The following PFKP variants were observed in gnomAD, a reference collection of about 807,000 sequenced individuals.
PFKP encodes phosphofructokinase, platelet.
Under a neutral mutation model 94.3 loss-of-function variants are expected in PFKP, and 101 were observed. The observed-to-expected ratio is 1.07, with a 90% CI of 0.91 to 1.26. The LOEUF (loss-of-function observed/expected upper bound fraction) is 1.26, where lower values mean the gene tolerates loss of function less well. PFKP is among the 50% of genes most tolerant of loss of function. The probability of loss-of-function intolerance (pLI) is 0.00; values close to 1 mark genes in which losing one functional copy is unlikely to be tolerated. For missense variants in PFKP, 1,145 were observed against 1,103.3 expected, an observed-to-expected ratio of 1.04 and a Z score of -0.53; for synonymous variants, 573 against 432.6, an observed-to-expected ratio of 1.32 and a Z score of -4.03.
intron 5 of PFKP, 64 bp from the exon 6 acceptor site, chr10:3,105,051 G>T: frequency 6.8e-7 from 1 of 1,474,936 alleles, no homozygotes; most frequent in East Asian, 2.3e-5. Context: ...AGGACTGAGT[G>T]GGTGCTCCCT....
rs1343117670 is a variant in PFKP at position 3,107,141 on chromosome 10, T to G, written c.775-73T>G. 5.4e-6 allele frequency: 5 copies of G among 920,990 alleles called. No homozygotes were observed. In the Admixed American group the frequency reaches 7.2e-5, roughly 13 times the overall value. 57.1% of individuals were successfully genotyped at this position (920,990 alleles called of 1,614,324 possible). ...AGGCCAGTTCAGTTTGAGACAGACTTCTGTGGTTTTGTTGCATTTGTTGCT... is the reference window on the plus strand; with the variant it reads ...AGGCCAGTTCAGTTTGAGACAGACTGCTGTGGTTTTGTTGCATTTGTTGCT... On this transcript the variant is annotated intron_variant, in intron 7 of 21. Coordinates refer to ENST00000381125, the MANE Select transcript of PFKP (RefSeq NM_002627.5).
intron 16 of PFKP, among the ~76,000 whole-genome samples, chr10:3,121,308 C>T (rs551783035): frequency 3.3e-5 from 5 of 152,198 alleles, no homozygotes; most frequent in Admixed American, 1.3e-4. Context: ...GGGGCTGGCC[C>T]GGCTCTGGAC....
At position 3,129,723 on chromosome 10, in the gene PFKP, G is replaced by A. The variant is rs1180771898; in HGVS notation, c.1684-96G>A. ...CTGGGACCGCATGTTTGGGCGCGGT[G>A]GGGGGGCCTTGCTGCACTCACTCTT... On this transcript the variant is annotated intron_variant, in intron 16 of 21. Coordinates refer to ENST00000381125, the MANE Select transcript of PFKP (RefSeq NM_002627.5). 2.3e-6 allele frequency: 3 copies of A among 1,316,736 alleles called. No individual in the cohort carries two copies. The Admixed American group carries it at 5.5e-5, about 24-fold the overall frequency. 81.6% of individuals were successfully genotyped at this position (1,316,736 alleles called of 1,614,324 possible).
chr10:3,067,556 C>A lies in PFKP; in HGVS notation c.-40C>A. The A allele has an allele frequency of 8.8e-7, 1 of 1,140,228 alleles. No individual in the cohort carries two copies. Among genetic ancestry groups the A allele is most frequent in the Middle Eastern group, 2.2e-4 (1 of 4,648 alleles). 70.6% of individuals were successfully genotyped at this position (1,140,228 alleles called of 1,614,324 possible). ...GCGCGGGCAGGGTCCCCATTGCCTG[C>A]TGCGCACCCGGACGTGCGGCTCCCC... is the stretch of plus-strand genomic sequence containing the variant. On this transcript the variant is annotated 5_prime_UTR_variant, in exon 1 of 22. The change creates a new upstream start codon in the 5' untranslated region. Transcript: ENST00000381125.
Position 3,099,272 on chromosome 10 carries a change from T to G in PFKP, c.187-3T>G. On this transcript the variant is annotated splice_polypyrimidine_tract_variant and splice_region_variant and intron_variant, in intron 2 of 21. Coordinates refer to ENST00000381125, the MANE Select transcript of PFKP (RefSeq NM_002627.5). The stretch of plus-strand genomic sequence containing the variant: ...TTTAAAAGATTCTCCCTTTCTCCCC[T>G]AGGGCTACCAGGGCATGGTGGACGG... The G allele has an allele frequency of 6.2e-7, 1 of 1,611,590 alleles. No homozygotes were observed. The highest frequency in any genetic ancestry group is 8.5e-7 in the Non-Finnish European group (1 of 1,177,736).
chr10:3,076,586 T>A (rs1832614632), intron 1 of PFKP, among the ~76,000 whole-genome samples: 1 of 152,142 alleles, frequency 6.6e-6, no homozygotes, highest in South Asian at 2.1e-4. Context: ...CCTTAGCACT[T>A]ACGGCCATCC....
chr10:3,128,081 G>A (rs1228556398), intron 16 of PFKP, among the ~76,000 whole-genome samples: 2 of 149,284 alleles, frequency 1.3e-5, no homozygotes, highest in East Asian at 3.9e-4. Context: ...AATCCTGCAG[G>A]ATCAGCCGTT....
At position 3,134,468 on chromosome 10, in the gene PFKP, T is replaced by A; in HGVS notation, c.2023-15T>A. On this transcript the variant is annotated splice_polypyrimidine_tract_variant and intron_variant, in intron 19 of 21. Coordinates refer to ENST00000381125, the MANE Select transcript of PFKP (RefSeq NM_002627.5). ...CTGTATAACTGGTATTTCATATAAC[T>A]CTAACCACCAACAGGGTGGGGCACC... 2 of 1,492,918 alleles carry A rather than the reference T, an allele frequency of 1.3e-6. No homozygotes were observed. The highest frequency in any genetic ancestry group is 1.7e-4 in the Middle Eastern group (1 of 5,850). 92.5% of individuals were successfully genotyped at this position (1,492,918 alleles called of 1,614,324 possible).
chr10:3,069,334 G>A (rs1245819611), intron 1 of PFKP: 5 of 1,580,094 alleles, frequency 3.2e-6, no homozygotes, highest in Non-Finnish European at 4.3e-6. Context: ...AGAAACAGGA[G>A]AGTGAAGTGG....
chr10:3,094,376 G>A (rs989097159), intron 2 of PFKP, among the ~76,000 whole-genome samples: 3 of 152,228 alleles, frequency 2.0e-5, no homozygotes, highest in African/African-American at 7.2e-5. Context: ...ACCACATGAT[G>A]GTGTGTCGTG....
chr10:3,070,983 T>C (rs1381309442), intron 1 of PFKP, among the ~76,000 whole-genome samples: 2 of 152,094 alleles, frequency 1.3e-5, no homozygotes, highest in African/African-American at 4.8e-5. Context: ...CCTGGCCTCC[T>C]GTAGTGATCC....
chr10:3,114,704 C>T (rs1439920116), intron 13 of PFKP, among the ~76,000 whole-genome samples: 5 of 152,226 alleles, frequency 3.3e-5, no homozygotes, highest in Non-Finnish European at 7.3e-5. Flanking sequence ...ACACTCATCC[C>T]AGGTGGAGGG....
intron 11 of PFKP, among the ~76,000 whole-genome samples, chr10:3,112,872 C>CA (rs1346159381): frequency 6.6e-6 from 1 of 152,248 alleles, no homozygotes; most frequent in Non-Finnish European, 1.5e-5. Context: ...GCATGTCTTG[C>CA]AAGAGAAAGT....
intron 17 of PFKP, among the ~76,000 whole-genome samples, chr10:3,130,546 G>A (rs1236936162): frequency 6.6e-6 from 1 of 152,172 alleles, no homozygotes; most frequent in East Asian, 1.9e-4. Flanking sequence ...GGCCTTGGCA[G>A]ATAAAATGCA....
At position 3,105,122 on chromosome 10, in the gene PFKP, A is replaced by G. The variant is rs781769070; in HGVS notation, c.628A>G (p.Arg210Gly). 1 of 1,613,648 alleles carries G rather than the reference A, an allele frequency of 6.2e-7. No homozygotes were observed. Among genetic ancestry groups the G allele is most frequent in the South Asian group, 1.1e-5 (1 of 91,038 alleles). ...AIMTTAQSHQ[R>G]TFVLEVMGRH... ...CCTCTGTTTCTCTTCCAGCCACCAG[A>G]GGACCTTCGTTCTGGAGGTGATGGG... The change falls in exon 6 of 22, where the codon AGG becomes GGG. Residue 210 changes from arginine (R) to glycine (G), a missense_variant. By Grantham distance (125) the Arg-to-Gly change is moderately radical. Around this residue, in one of 3 missense-constraint regions of PFKP, gnomAD observed 1,119 missense variants for 1,062.8 expected, o/e 1.05. Coordinates refer to ENST00000381125, the MANE Select transcript of PFKP (RefSeq NM_002627.5).
chr10:3,076,000 A>G (rs1246492155), intron 1 of PFKP, among the ~76,000 whole-genome samples: 13 of 137,928 alleles, frequency 9.4e-5, no homozygotes, highest in East Asian at 2.4e-4. Flanking sequence ...CCTGGGCGAC[A>G]GAGCGAGACT....
At chr10:3,121,919 T>C (rs1229596434) in intron 16 of PFKP, among the ~76,000 whole-genome samples, 1 of 145,598 alleles carries the variant, frequency 6.9e-6, no homozygotes, top group Non-Finnish European at 1.5e-5. Flanking sequence ...CCTCCCAGGC[T>C]TAGGTGATCC....
intron 14 of PFKP, 33 bp from the exon 15 acceptor site, chr10:3,118,749 G>A (rs1384129410): frequency 2.6e-6 from 4 of 1,540,836 alleles, no homozygotes; most frequent in East Asian, 2.3e-5. Flanking sequence ...AGTTTGGGGT[G>A]TCTGACATCG....
chr10:3,092,803 A>AT (rs1834149758), intron 2 of PFKP, among the ~76,000 whole-genome samples: 1 of 152,154 alleles, frequency 6.6e-6, no homozygotes, highest in South Asian at 2.1e-4. Flanking sequence ...AAAGTGAGAA[A>AT]TCTCACACTT....
Sources: gnomAD v4.1 joint callset for allele counts (sites outside exome capture counted in the v4.1 genomes callset) on GRCh38, gnomAD v4.1.1 for gene constraint, gnomAD v4.1.1 regional missense constraint, MANE v1.5 for transcripts, NCBI Gene and HGNC (gene_info 2026-07-23, HGNC 2026-07-21) for gene names.